The following PRKCI variants were observed in gnomAD, a reference collection of about 807,000 sequenced individuals.
PRKCI encodes protein kinase C iota, also known as protein kinase C iota type.
A neutral mutation model predicts 84.0 loss-of-function variants in PRKCI; 43 were observed. That is an observed-to-expected ratio of 0.51 (90% confidence interval 0.40 to 0.66). The LOEUF (loss-of-function observed/expected upper bound fraction) is 0.66. Ranked by LOEUF, PRKCI falls within the 30% of genes least tolerant of loss-of-function variation. The probability of loss-of-function intolerance (pLI) is 0.00; values close to 1 mark genes in which losing one functional copy is unlikely to be tolerated. For missense variants in PRKCI, 459 were observed against 745.6 expected (o/e 0.62, Z 4.48); for synonymous variants, 216 against 234.4 (o/e 0.92, Z 0.72).
At chr3:170,292,988 C>T (rs2108865547) in intron 13 of PRKCI, among the ~76,000 whole-genome samples, 1 of 150,764 alleles carries the variant, frequency 6.6e-6, no homozygotes, top group African/African-American at 2.4e-5. Flanking sequence ...TTGCAGTGAG[C>T]CGAGATTGCA....
intron 6 of PRKCI, among the ~76,000 whole-genome samples, chr3:170,271,401 A>C (rs1046387275): frequency 6.6e-6 from 1 of 152,220 alleles, no homozygotes. Flanking sequence ...CTTTTTTAAA[A>C]ACCTAACTAA....
intron 1 of PRKCI, among the ~76,000 whole-genome samples, chr3:170,229,190 T>C (rs1335445893): frequency 2.6e-5 from 4 of 152,244 alleles, no homozygotes. Flanking sequence ...TACCCTTTTA[T>C]TTTTCCAATA....
chr3:170,282,874 A>G (rs1230480783), intron 11 of PRKCI, among the ~76,000 whole-genome samples: 1 of 151,900 alleles, frequency 6.6e-6, no homozygotes, highest in Non-Finnish European at 1.5e-5. Flanking sequence ...TGGGAGGCCG[A>G]GGCGGGTGGA....
At chr3:170,291,756 C>T in intron 12 of PRKCI, 98 bp from the exon 13 acceptor site, 2 of 851,944 alleles carry the variant, frequency 2.3e-6, no homozygotes, top group East Asian at 5.1e-5. Flanking sequence ...TAATGTATCA[C>T]TGCAGATGCT....
intron 2 of PRKCI, among the ~76,000 whole-genome samples, chr3:170,240,312 ATTTT>A (rs1733095074): frequency 6.6e-6 from 1 of 151,938 alleles, no homozygotes; most frequent in Non-Finnish European, 1.5e-5. Flanking sequence ...AAAGTAGCAT[ATTTT>A]AATTAACAGA....
chr3:170,230,877 A>G (rs1196550567), intron 1 of PRKCI, among the ~76,000 whole-genome samples: 1 of 151,470 alleles, frequency 6.6e-6, no homozygotes, highest in East Asian at 1.9e-4. Context: ...TGCACATACC[A>G]CTATTGGTTT....
intron 17 of PRKCI, among the ~76,000 whole-genome samples, chr3:170,299,763 TCTGA>T (rs1294696189): frequency 1.3e-5 from 2 of 152,226 alleles, no homozygotes; most frequent in African/African-American, 2.4e-5. Flanking sequence ...CAAACCCAAA[TCTGA>T]CTGACTAAGG....
chr3:170,233,432 T>C (rs1560166126), intron 1 of PRKCI, among the ~76,000 whole-genome samples: 1 of 152,138 alleles, frequency 6.6e-6, no homozygotes, highest in Admixed American at 6.6e-5. Context: ...TGAGGATCAG[T>C]GGTAAAATAA....
intron 17 of PRKCI, among the ~76,000 whole-genome samples, chr3:170,299,583 A>T (rs980344644): frequency 6.6e-6 from 1 of 152,254 alleles, no homozygotes; most frequent in Non-Finnish European, 1.5e-5. Flanking sequence ...CTGTACCATT[A>T]TAAGTTTTAA....
At chr3:170,253,799 A>C (rs1233775208) in intron 2 of PRKCI, among the ~76,000 whole-genome samples, 1 of 151,420 alleles carries the variant, frequency 6.6e-6, no homozygotes, top group Non-Finnish European at 1.5e-5. Flanking sequence ...TAAAATAAAA[A>C]AAAATGTCTA....
Position 170,268,009 on chromosome 3 carries a change from A to G in PRKCI, c.450+9A>G, listed in dbSNP as rs754943014. On this transcript the variant is annotated intron_variant, in intron 5 of 17. Coordinates refer to ENST00000295797, the MANE Select transcript of PRKCI (RefSeq NM_002740.6). The stretch of plus-strand genomic sequence containing the variant: ...CCAAGCGTTTCAACAGGGTAAACAT[A>G]GTTTGTTGAATGTCGATAATGTGAA... 3 of 1,596,216 alleles carry G rather than the reference A, an allele frequency of 1.9e-6. No homozygotes were observed. Among genetic ancestry groups the G allele is most frequent in the Non-Finnish European group, 2.6e-6 (3 of 1,168,780 alleles).
intron 2 of PRKCI, among the ~76,000 whole-genome samples, chr3:170,241,885 G>T (rs552609375): frequency 1.8e-4 from 28 of 152,120 alleles, no homozygotes; most frequent in African/African-American, 6.7e-4. Flanking sequence ...CTCAGCACTT[G>T]GGGAGGCTGA....
chr3:170,271,587 T>A (rs990220732), intron 6 of PRKCI, among the ~76,000 whole-genome samples: 6 of 152,204 alleles, frequency 3.9e-5, no homozygotes, highest in African/African-American at 1.4e-4. Context: ...CTTCTTTTTT[T>A]CCTTACAATT....
chr3:170,297,428 C>T (rs1226138468), intron 16 of PRKCI, 35 bp downstream of exon 16: 2 of 1,532,198 alleles, frequency 1.3e-6, no homozygotes, highest in Admixed American at 3.6e-5. Context: ...TATTAGGTTT[C>T]ATTATTATCT....
At chr3:170,271,345 A>G (rs185157683) in intron 6 of PRKCI, among the ~76,000 whole-genome samples, 4 of 152,322 alleles carry the variant, frequency 2.6e-5, no homozygotes, top group Admixed American at 2.0e-4. Context: ...ATTATTTTCA[A>G]ACAAATCTCA....
In PRKCI at chr3:170,295,910, G is replaced by C; in HGVS notation, c.1418-1G>C. On this transcript the variant is annotated splice_acceptor_variant, in intron 14 of 17. Coordinates refer to ENST00000295797, the MANE Select transcript of PRKCI (RefSeq NM_002740.6). LOFTEE classifies it high-confidence loss of function. Reference sequence around the variant, plus strand: ...TAATACTATAATTTTTATCTTTCTAGTTATTTTGGAAAAACAAATTCGCAT... The same window carrying C: ...TAATACTATAATTTTTATCTTTCTACTTATTTTGGAAAAACAAATTCGCAT... 1 of 1,545,500 alleles carries C rather than the reference G, an allele frequency of 6.5e-7. No homozygotes were observed. Among genetic ancestry groups the C allele is most frequent in the Non-Finnish European group, 8.8e-7 (1 of 1,135,820 alleles).
rs1279321988 is a variant in PRKCI at position 170,303,948 on chromosome 3, G to A, written c.*821G>A. 6.0e-6 allele frequency: 1 copy of A among 166,404 alleles called. No homozygotes were observed. The highest frequency in any genetic ancestry group is 1.2e-4 in the East Asian group (1 of 8,006). The allele number at this position is 166,404 out of a possible 1,614,324, so 10.3% of individuals were successfully genotyped here. ...GGAGATGGAGTTGGCAGTGAGCCAAGATTAGCCTGGGCAACAGTGAGTGAG... is the reference window on the plus strand; with the variant it reads ...GGAGATGGAGTTGGCAGTGAGCCAAAATTAGCCTGGGCAACAGTGAGTGAG... On this transcript the variant is annotated 3_prime_UTR_variant, in exon 18 of 18. Transcript: ENST00000295797.
intron 1 of PRKCI, among the ~76,000 whole-genome samples, chr3:170,226,492 T>C (rs190491505): frequency 2.7e-4 from 41 of 152,350 alleles, no homozygotes; most frequent in Non-Finnish European, 4.4e-4. Context: ...ACATCTGGAC[T>C]GCTCATTTCT....
intron 8 of PRKCI, among the ~76,000 whole-genome samples, chr3:170,278,731 A>G (rs1193094665): frequency 1.3e-5 from 2 of 152,240 alleles, no homozygotes; most frequent in Admixed American, 1.3e-4. Context: ...TATTTGGTGC[A>G]CGGTTCTGCA....
Sources: gnomAD v4.1 joint callset for allele counts (sites outside exome capture counted in the v4.1 genomes callset) on GRCh38, gnomAD v4.1.1 for gene constraint, MANE v1.5 for transcripts, NCBI Gene and HGNC (gene_info 2026-07-23, HGNC 2026-07-21) for gene names.